CADM1: variants seen among roughly 807,000 people sequenced by gnomAD.
CADM1 encodes the protein TSLC-1.
CADM1 carries 15 observed loss-of-function variants against 53.1 expected under a neutral mutation model. The observed-to-expected ratio is 0.28, with a 90% confidence interval of 0.19 to 0.44. The LOEUF is 0.44. Ranked by LOEUF, CADM1 falls within the 20% of genes least tolerant of loss-of-function variation. The pLI is 1.00. For missense variants in CADM1, 434 were observed against 611.3 expected (o/e 0.71, Z 3.06); for synonymous variants, 281 against 243.0 (o/e 1.16, Z -1.45).
chr11:115,350,925 T>TTA (rs1945717747), intron 1 of CADM1, among the ~76,000 whole-genome samples: 1 of 135,852 alleles, frequency 7.4e-6, no homozygotes, highest in African/African-American at 2.7e-5. Flanking sequence ...TACGAGAAGT[T>TTA]AAAAAAAAAA....
chr11:115,327,363 C>G (rs375357382), intron 1 of CADM1, among the ~76,000 whole-genome samples: 1 of 152,158 alleles, frequency 6.6e-6, no homozygotes, highest in Non-Finnish European at 1.5e-5. Context: ...CTGGCACTTG[C>G]GGGATGCTGC....
intron 1 of CADM1, among the ~76,000 whole-genome samples, chr11:115,296,365 G>T (rs1033374838): frequency 6.6e-6 from 1 of 152,174 alleles, no homozygotes; most frequent in Admixed American, 6.5e-5. Context: ...TCCCCAGTGT[G>T]GTGGGTTTGG....
At chr11:115,414,436 T>C (rs1176626200) in intron 1 of CADM1, among the ~76,000 whole-genome samples, 1 of 152,176 alleles carries the variant, frequency 6.6e-6, no homozygotes, top group Non-Finnish European at 1.5e-5. Flanking sequence ...TTATATTCTT[T>C]GTAGGTCTCT....
intron 1 of CADM1, among the ~76,000 whole-genome samples, chr11:115,360,294 C>G (rs1459333754): frequency 6.6e-6 from 1 of 152,124 alleles, no homozygotes; most frequent in Non-Finnish European, 1.5e-5. Flanking sequence ...TAACCAAAAA[C>G]GTACAGTGAA....
At chr11:115,498,701 T>G (rs372636010) in intron 1 of CADM1, among the ~76,000 whole-genome samples, 1 of 152,232 alleles carries the variant, frequency 6.6e-6, no homozygotes, top group Non-Finnish European at 1.5e-5. Context: ...TTTCACCAAC[T>G]GCAACAAGCC....
intron 1 of CADM1, among the ~76,000 whole-genome samples, chr11:115,493,050 ATT>A (rs1455827140): frequency 6.6e-6 from 1 of 152,096 alleles, no homozygotes; most frequent in African/African-American, 2.4e-5. Flanking sequence ...TCTAAATATC[ATT>A]CTTTGACTAA....
rs141447939 is a variant in CADM1 at position 115,333,067 on chromosome 11, A to G, written c.125-92647T>C. Among the ~76,000 whole-genome samples the G allele has an allele frequency of 1.4e-4, 22 of 152,202 alleles. 1 individual carries two copies. In the East Asian group the frequency reaches 4.3e-3, roughly 29 times the overall value. On this transcript the variant is annotated intron_variant, in intron 1 of 11. Transcript: ENST00000331581. ...ACTGGTCTTTTCTCCCTGATGTCCCATCAGTTCTTCAAAATCAAAGCTGTT... is the reference window on the plus strand; with the variant it reads ...ACTGGTCTTTTCTCCCTGATGTCCCGTCAGTTCTTCAAAATCAAAGCTGTT...
chr11:115,255,196 T>C (rs1942745469), intron 1 of CADM1, among the ~76,000 whole-genome samples: 1 of 152,204 alleles, frequency 6.6e-6, no homozygotes, highest in Non-Finnish European at 1.5e-5. Flanking sequence ...TAAACGTCAG[T>C]TAAGGTCTAG....
At chr11:115,214,383 A>T in intron 7 of CADM1, 1 of 566,690 alleles carries the variant, frequency 1.8e-6, no homozygotes, top group East Asian at 3.1e-5. Context: ...CAGCATGACC[A>T]AAGACTGTGA....
intron 1 of CADM1, among the ~76,000 whole-genome samples, chr11:115,320,849 A>G (rs1470318496): frequency 6.6e-6 from 1 of 152,176 alleles, no homozygotes; most frequent in African/African-American, 2.4e-5. Flanking sequence ...GTTTTTCCAA[A>G]GAGAATTTAT....
chr11:115,463,855 T>C (rs1381894956), intron 1 of CADM1, among the ~76,000 whole-genome samples: 1 of 137,048 alleles, frequency 7.3e-6, no homozygotes, highest in Non-Finnish European at 1.6e-5. Flanking sequence ...AAAAAGCTTT[T>C]TTTTTTTGGG....
At chr11:115,381,844 A>T (rs1041451248) in intron 1 of CADM1, among the ~76,000 whole-genome samples, 3 of 151,954 alleles carry the variant, frequency 2.0e-5, no homozygotes, top group Non-Finnish European at 4.4e-5. Context: ...ATAAGTTCTA[A>T]TAATAGGATT....
At chr11:115,375,972 G>A (rs1489062942) in intron 1 of CADM1, among the ~76,000 whole-genome samples, 1 of 151,984 alleles carries the variant, frequency 6.6e-6, no homozygotes, top group Non-Finnish European at 1.5e-5. Context: ...ATAATTAAAG[G>A]TGGTTATAAT....
At chr11:115,388,607 A>C (rs1423755393) in intron 1 of CADM1, among the ~76,000 whole-genome samples, 2 of 152,194 alleles carry the variant, frequency 1.3e-5, no homozygotes, top group Admixed American at 1.3e-4. Flanking sequence ...TGTAATCTCC[A>C]GAATAATAGT....
intron 1 of CADM1, among the ~76,000 whole-genome samples, chr11:115,462,171 AATGCTTAACTAAGGGCCACTG>A (rs1280575181): frequency 6.6e-6 from 1 of 152,164 alleles, no homozygotes; most frequent in African/African-American, 2.4e-5. Context: ...CAAAGAAGAT[AATGCTTAACTAAGGGCCACTG>A]ATGCTTGGTG....
intron 1 of CADM1, among the ~76,000 whole-genome samples, chr11:115,241,841 T>C (rs1942243636): frequency 1.3e-5 from 2 of 151,960 alleles, no homozygotes; most frequent in Non-Finnish European, 2.9e-5. Flanking sequence ...AAAAAAATGT[T>C]CCCACATAAA....
chr11:115,256,403 C>T (rs1439273963), intron 1 of CADM1, among the ~76,000 whole-genome samples: 1 of 152,212 alleles, frequency 6.6e-6, no homozygotes, highest in Non-Finnish European at 1.5e-5. Flanking sequence ...TTTCATTTCA[C>T]ACAGCCTCTT....
In CADM1 at chr11:115,344,293, T is replaced by A. The variant is rs184048186; in HGVS notation, c.125-103873A>T. Among the ~76,000 whole-genome samples the A allele has an allele frequency of 1.2e-3, 187 of 152,156 alleles. 1 individual carries two copies. Among genetic ancestry groups the A allele is most frequent in the Admixed American group, 0.011 (166 of 15,270 alleles). ...CCTCCAATCCAATCTCTGGTACTAA[T>A]CGCAGTCCCAAACTTCAATGTCATA... On this transcript the variant is annotated intron_variant, in intron 1 of 11. Coordinates refer to ENST00000331581, the MANE Select transcript of CADM1 (RefSeq NM_001301043.2).
intron 1 of CADM1, among the ~76,000 whole-genome samples, chr11:115,248,714 TCTTTTTTAGAGAGAAGATAGG>T (rs1942492516): frequency 6.6e-6 from 1 of 152,210 alleles, no homozygotes; most frequent in Non-Finnish European, 1.5e-5. Flanking sequence ...CAAGATAGCA[TCTTTTTTAGAGAGAAGATAGG>T]ATAACCCTGA....
Sources: allele counts gnomAD v4.1 joint callset (sites outside exome capture counted in the v4.1 genomes callset), GRCh38; gene constraint gnomAD v4.1.1; transcripts MANE v1.5; gene names NCBI Gene and HGNC (gene_info 2026-07-23, HGNC 2026-07-21).